ERICH5: variants seen among roughly 807,000 people sequenced by gnomAD.
ERICH5 encodes glutamate rich 5.
ERICH5 carries 24 observed loss-of-function variants against 28.0 expected under a neutral mutation model. The observed-to-expected ratio is 0.86, with a 90% CI of 0.62 to 1.21. ERICH5 has a LOEUF of 1.21. ERICH5 is among the 50% of genes most tolerant of loss of function. The pLI, the probability that ERICH5 is intolerant of heterozygous loss-of-function variation, is 0.00. For missense variants in ERICH5, 421 were observed against 441.2 expected, an observed-to-expected ratio of 0.95 and a Z score of 0.41; for synonymous variants, 163 against 157.6, an observed-to-expected ratio of 1.03 and a Z score of -0.25.
chr8:98,078,041 G>A (rs986825018), intron 1 of ERICH5, among the ~76,000 whole-genome samples: 8 of 152,058 alleles, frequency 5.3e-5, no homozygotes, highest in African/African-American at 1.9e-4. Flanking sequence ...TTTTTTGGTT[G>A]ATAATTTTAT....
At chr8:98,075,295 T>G (rs1314265689) in intron 1 of ERICH5, among the ~76,000 whole-genome samples, 4 of 152,252 alleles carry the variant, frequency 2.6e-5, no homozygotes, top group Non-Finnish European at 5.9e-5. Context: ...TGTTCATGAT[T>G]CTTGGTCAAA....
Position 98,089,803 on chromosome 8 carries a change from C to A in ERICH5, c.786C>A (p.Pro262=), listed in dbSNP as rs772405768. The A allele has an allele frequency of 6.2e-7, 1 of 1,614,046 alleles. No individual in the cohort carries two copies. The highest frequency in any genetic ancestry group is 1.7e-5 in the Admixed American group (1 of 59,992). Residue 262 remains proline (P), a synonymous_variant, in exon 2 of 3, where the codon CCC becomes CCA. Coordinates refer to ENST00000318528, the MANE Select transcript of ERICH5 (RefSeq NM_173549.3). The part of the protein sequence containing the change: ...EEQPQLLERI[P]KENVTPEVLD... ...AGCCCCAGCTTCTAGAAAGAATTCC[C>A]AAAGAGAATGTAACACCAGAAGTAT... is the stretch of plus-strand genomic sequence containing the variant.
At position 98,068,108 on chromosome 8, in the gene ERICH5, C is replaced by T. The variant is rs1230950114; in HGVS notation, c.58+3381C>T. 6.6e-5 allele frequency among the ~76,000 whole-genome samples: 10 copies of T among 152,240 alleles called. 1 individual carries two copies. Among genetic ancestry groups the T allele is most frequent in the Admixed American group, 1.3e-4 (2 of 15,284 alleles). ...CCAAGCTCAAGTGATCCTCCCACCT[C>T]GGCCTCCCAAAGTGCTGGGATTACA... On this transcript the variant is annotated intron_variant, in intron 1 of 2. Transcript: ENST00000318528.
intron 1 of ERICH5, among the ~76,000 whole-genome samples, chr8:98,075,128 A>G (rs990141024): frequency 3.3e-5 from 5 of 152,112 alleles, no homozygotes; most frequent in Non-Finnish European, 7.4e-5. Context: ...TGCCCTTCTC[A>G]TCACATCATC....
intron 2 of ERICH5, among the ~76,000 whole-genome samples, chr8:98,090,261 G>A (rs1815361103): frequency 6.6e-6 from 1 of 152,130 alleles, no homozygotes; most frequent in Non-Finnish European, 1.5e-5. Context: ...TTTTAACCTA[G>A]TGTTTAAATA....
chr8:98,081,521 A>G (rs567519687), intron 1 of ERICH5, among the ~76,000 whole-genome samples: 2 of 152,308 alleles, frequency 1.3e-5, no homozygotes, highest in African/African-American at 2.4e-5. Flanking sequence ...TCTGAGTATT[A>G]TCTCATGTAA....
At chr8:98,073,547 A>T (rs1411336541) in intron 1 of ERICH5, among the ~76,000 whole-genome samples, 19 of 22,906 alleles carry the variant, frequency 8.3e-4, no homozygotes, top group Admixed American at 1.3e-3. Context: ...TATATATATA[A>T]TTTTTTTTTT....
chr8:98,076,390 C>T (rs1404506131), intron 1 of ERICH5, among the ~76,000 whole-genome samples: 3 of 143,150 alleles, frequency 2.1e-5, no homozygotes, highest in Non-Finnish European at 1.5e-5. Context: ...ATTAGAAGGC[C>T]TTTTTTTTTT....
intron 1 of ERICH5, among the ~76,000 whole-genome samples, chr8:98,071,299 C>G (rs1319558231): frequency 2.0e-5 from 3 of 152,036 alleles, no homozygotes; most frequent in Non-Finnish European, 2.9e-5. Flanking sequence ...AAAAATCATG[C>G]TTCTGTAAGG....
intron 1 of ERICH5, among the ~76,000 whole-genome samples, chr8:98,070,230 C>G: frequency 6.6e-6 from 1 of 152,130 alleles, no homozygotes; most frequent in South Asian, 2.1e-4. Flanking sequence ...ACACATAGAA[C>G]ATATGCAATC....
chr8:98,093,205 T>G lies in ERICH5; in HGVS notation c.1013-16T>G, dbSNP rs756895678. 6.4e-7 allele frequency: 1 copy of G among 1,557,688 alleles called. No homozygotes were observed. Among genetic ancestry groups the G allele is most frequent in the Admixed American group, 1.7e-5 (1 of 58,720 alleles). ...AAATAAATGTCTCTTAGTATCTCCT[T>G]TGGTTACTTTTCCAGGTGAGACAGG... is the stretch of plus-strand genomic sequence containing the variant. On this transcript the variant is annotated splice_polypyrimidine_tract_variant and intron_variant, in intron 2 of 2. Transcript: ENST00000318528.
rs1462766654 is a variant in ERICH5 at position 98,064,593 on chromosome 8, C to T, written c.-77C>T. 24 of 1,270,862 alleles carry T rather than the reference C, an allele frequency of 1.9e-5. No individual in the cohort carries two copies. Among genetic ancestry groups the T allele is most frequent in the East Asian group, 2.7e-5 (1 of 36,568 alleles). The allele number at this position is 1,270,862 out of a possible 1,614,324, so 78.7% of individuals were successfully genotyped here. On this transcript the variant is annotated 5_prime_UTR_variant, in exon 1 of 3. It adds an upstream start codon to the 5' untranslated region. Coordinates refer to ENST00000318528, the MANE Select transcript of ERICH5 (RefSeq NM_173549.3). The stretch of plus-strand genomic sequence containing the variant: ...AGAGCTGGAGAAACTTCCGCGGCTA[C>T]GGGTGCAGTTGCCTTCGGTTCCCGG...
intron 1 of ERICH5, among the ~76,000 whole-genome samples, chr8:98,073,500 A>C (rs1447844424): frequency 0.028 from 100 of 3,524 alleles, 22 homozygotes; most frequent in Admixed American, 0.051. Context: ...ATATATATAT[A>C]TATATATATA....
chr8:98,070,559 C>T (rs1314925847), intron 1 of ERICH5, among the ~76,000 whole-genome samples: 2 of 148,874 alleles, frequency 1.3e-5, no homozygotes, highest in Non-Finnish European at 3.0e-5. Flanking sequence ...TGCCTGTAAT[C>T]CCAGCTACTC....
chr8:98,084,137 C>A (rs1792467937), intron 1 of ERICH5, among the ~76,000 whole-genome samples: 1 of 151,782 alleles, frequency 6.6e-6, no homozygotes, highest in Non-Finnish European at 1.5e-5. Context: ...GATCCTCCTG[C>A]CTTAGCCTCC....
At chr8:98,083,732 A>G (rs192398275) in intron 1 of ERICH5, among the ~76,000 whole-genome samples, 155 of 152,306 alleles carry the variant, frequency 1.0e-3, no homozygotes, top group Admixed American at 2.2e-3. Context: ...GCTGTTACAT[A>G]TATTTCCAGC....
chr8:98,071,580 T>G (rs1814919577), intron 1 of ERICH5, among the ~76,000 whole-genome samples: 1 of 152,104 alleles, frequency 6.6e-6, no homozygotes, highest in South Asian at 2.1e-4. Context: ...TGGACCCAAA[T>G]TATCCTTCCA....
At chr8:98,075,466 C>T (rs746864714) in intron 1 of ERICH5, among the ~76,000 whole-genome samples, 9 of 151,258 alleles carry the variant, frequency 6.0e-5, no homozygotes, top group Non-Finnish European at 1.0e-4. Flanking sequence ...GCTTTTCATT[C>T]TGGAAAAGAA....
rs188270610 is a variant in ERICH5, at chr8:98,082,343, T to G, written c.59-6733T>G. Among the ~76,000 whole-genome samples the G allele has an allele frequency of 2.0e-4, 30 of 152,192 alleles. 1 individual carries two copies. Among genetic ancestry groups the G allele is most frequent in the Admixed American group, 1.7e-3 (26 of 15,280 alleles). ...CCTACTTCCAGTGTACCAGTAAAAT[T>G]GGGAAAGTTACATAAGAACTGGCTG... On this transcript the variant is annotated intron_variant, in intron 1 of 2. Transcript: ENST00000318528.
Sources: allele counts gnomAD v4.1 joint callset (sites outside exome capture counted in the v4.1 genomes callset), GRCh38; gene constraint gnomAD v4.1.1; transcripts MANE v1.5; gene names NCBI Gene and HGNC (gene_info 2026-07-23, HGNC 2026-07-21).